The following ADAM12 variants were observed in gnomAD, a reference collection of about 807,000 sequenced individuals.
ADAM12 encodes the protein ADAM metallopeptidase domain 12, also known as disintegrin and metalloproteinase domain-containing protein 12.
A neutral mutation model predicts 106.4 loss-of-function variants in ADAM12; 70 were observed. The ratio of observed to expected loss-of-function variants is 0.66; its 90% CI spans 0.54 to 0.80. ADAM12 has a LOEUF of 0.80. Ranked by LOEUF, ADAM12 falls within the 30% of genes least tolerant of loss-of-function variation. The pLI is 0.00. For synonymous variants in ADAM12, 420 were observed against 433.5 expected (o/e 0.97, Z 0.39); for missense variants, 1,010 against 1,171.9 (o/e 0.86, Z 2.02).
At chr10:126,240,272 C>T (rs1340616701) in intron 3 of ADAM12, among the ~76,000 whole-genome samples, 1 of 152,354 alleles carries the variant, frequency 6.6e-6, no homozygotes, top group Non-Finnish European at 1.5e-5. Context: ...ATTCATTCCA[C>T]AGCACTCATT....
intron 1 of ADAM12, among the ~76,000 whole-genome samples, chr10:126,332,267 C>G (rs1476906590): frequency 6.6e-6 from 1 of 152,206 alleles, no homozygotes; most frequent in East Asian, 1.9e-4. Flanking sequence ...CAAAGTGAGC[C>G]AGCTCCCTCC....
At chr10:126,345,118 G>A (rs1459555000) in intron 1 of ADAM12, among the ~76,000 whole-genome samples, 1 of 152,152 alleles carries the variant, frequency 6.6e-6, no homozygotes, top group Non-Finnish European at 1.5e-5. Context: ...GAAAGGGAAT[G>A]CTTCCAGTTT....
At chr10:126,184,607 G>A (rs1957367121) in intron 3 of ADAM12, among the ~76,000 whole-genome samples, 1 of 152,178 alleles carries the variant, frequency 6.6e-6, no homozygotes, top group South Asian at 2.1e-4. Flanking sequence ...CAGTGCTAAA[G>A]TTCAATTTTT....
chr10:126,097,284 G>A (rs1233165039), intron 10 of ADAM12, among the ~76,000 whole-genome samples: 1 of 152,142 alleles, frequency 6.6e-6, no homozygotes, highest in Non-Finnish European at 1.5e-5. Context: ...GACCTGCCAT[G>A]GTGGAGATCA....
Position 126,335,744 on chromosome 10 carries a change from T to C in ADAM12, c.89-5235A>G, listed in dbSNP as rs1271190112. Among the ~76,000 whole-genome samples, 27 of 152,128 alleles carry C rather than the reference T, an allele frequency of 1.8e-4. 1 individual carries two copies. The highest frequency in any genetic ancestry group is 1.6e-3 in the Admixed American group (24 of 15,274). On this transcript the variant is annotated intron_variant, in intron 1 of 22. Transcript: ENST00000448723. ...TAAGCTGAAAAAAGTAACTTTATAA[T>C]AGAGAAACCTGACAAACCCTGCTTT...
intron 3 of ADAM12, among the ~76,000 whole-genome samples, chr10:126,271,193 T>C (rs1476726468): frequency 6.6e-6 from 1 of 152,124 alleles, no homozygotes; most frequent in Admixed American, 6.6e-5. Context: ...AAAGGACAAG[T>C]TCTTGGTCCT....
intron 5 of ADAM12, among the ~76,000 whole-genome samples, chr10:126,122,001 T>G (rs1956124544): frequency 6.6e-6 from 1 of 152,156 alleles, no homozygotes; most frequent in African/African-American, 2.4e-5. Context: ...CTCAGGATAC[T>G]GGTATCCTAA....
intron 16 of ADAM12, among the ~76,000 whole-genome samples, chr10:126,047,589 C>T (rs1175311016): frequency 5.9e-5 from 9 of 151,762 alleles, no homozygotes; most frequent in Non-Finnish European, 1.2e-4. Flanking sequence ...GTTCAGGCTA[C>T]AGTTTAAAAA....
At chr10:126,258,948 TC>T (rs928372463) in intron 3 of ADAM12, among the ~76,000 whole-genome samples, 4 of 152,152 alleles carry the variant, frequency 2.6e-5, no homozygotes, top group African/African-American at 9.7e-5. Flanking sequence ...AAGGGCTGTT[TC>T]CCCCCTGTTC....
chr10:126,095,777 G>GC (rs906528706), intron 10 of ADAM12, among the ~76,000 whole-genome samples: 1 of 151,954 alleles, frequency 6.6e-6, no homozygotes, highest in East Asian at 1.9e-4. Flanking sequence ...TATCAGGTGT[G>GC]CCCCCCTACC....
chr10:126,295,784 A>G (rs1960348901), intron 2 of ADAM12, among the ~76,000 whole-genome samples: 1 of 152,130 alleles, frequency 6.6e-6, no homozygotes, highest in Non-Finnish European at 1.5e-5. Context: ...AATAAAGAAA[A>G]ACAAAATAAA....
intron 3 of ADAM12, among the ~76,000 whole-genome samples, chr10:126,251,697 T>TGGATG (rs1958765580): frequency 1.7e-3 from 1 of 598 alleles, no homozygotes; most frequent in Middle Eastern, 0.17. Flanking sequence ...ATGGATGGGA[T>TGGATG]GGATGGATAG....
Position 126,135,692 on chromosome 10 carries a change from G to A in ADAM12, c.340-32C>T, listed in dbSNP as rs760603416. The A allele has an allele frequency of 3.1e-6, 5 of 1,589,502 alleles. No individual in the cohort carries two copies. The South Asian group carries it at 5.5e-5, about 18-fold the overall frequency. ...GGGAGGAGGAGAGAATCCCATTTCA[G>A]TTATAACACATTTTTGCCCACTTAT... On this transcript the variant is annotated intron_variant, in intron 4 of 22. Transcript: ENST00000448723.
chr10:126,242,052 C>G (rs1239141166), intron 3 of ADAM12, among the ~76,000 whole-genome samples: 1 of 151,670 alleles, frequency 6.6e-6, no homozygotes. Flanking sequence ...ATATGAATCA[C>G]TCTGCTTGTT....
Position 126,067,918 on chromosome 10 carries a change from T to C in ADAM12, c.1324-1112A>G, listed in dbSNP as rs116188732. Among the ~76,000 whole-genome samples, 815 of 152,316 alleles carry C rather than the reference T, an allele frequency of 5.4e-3. 9 individuals carry two copies. The highest frequency in any genetic ancestry group is 0.018 in the African/African-American group (766 of 41,560). On this transcript the variant is annotated intron_variant, in intron 12 of 22. Coordinates refer to ENST00000448723, the MANE Select transcript of ADAM12 (RefSeq NM_001288973.2). ...TTTTATAAATGCAATTAATAAAATT[T>C]TGTCAATAATCCAGAAGATTTATGG...
chr10:126,332,639 C>T (rs1854560920), intron 1 of ADAM12, among the ~76,000 whole-genome samples: 1 of 152,182 alleles, frequency 6.6e-6, no homozygotes, highest in Non-Finnish European at 1.5e-5. Flanking sequence ...AGCTTATAAG[C>T]TGAGAGCTGA....
intron 21 of ADAM12, among the ~76,000 whole-genome samples, chr10:126,027,807 C>G (rs1380906354): frequency 1.3e-5 from 2 of 152,056 alleles, no homozygotes; most frequent in Admixed American, 1.3e-4. Flanking sequence ...ACAAGATGCC[C>G]TCTCTCACCA....
chr10:126,374,069 A>T (rs1313966540), intron 1 of ADAM12, among the ~76,000 whole-genome samples: 1 of 152,222 alleles, frequency 6.6e-6, no homozygotes, highest in Non-Finnish European at 1.5e-5. Context: ...CTCCCCAGAG[A>T]TCTGGTGAGG....
At chr10:126,166,771 T>C (rs1418289767) in intron 3 of ADAM12, among the ~76,000 whole-genome samples, 1 of 152,128 alleles carries the variant, frequency 6.6e-6, no homozygotes, top group Non-Finnish European at 1.5e-5. Context: ...GCATGAGCCA[T>C]CATGCCCGGC....
Sources: allele counts gnomAD v4.1 joint callset (sites outside exome capture counted in the v4.1 genomes callset), GRCh38; gene constraint gnomAD v4.1.1; transcripts MANE v1.5; gene names NCBI Gene and HGNC (gene_info 2026-07-23, HGNC 2026-07-21).